L3MBTL2: variants seen among roughly 807,000 people sequenced by gnomAD.
L3MBTL2 encodes the protein lethal(3)malignant brain tumor-like protein 2.
Under a neutral mutation model 86.4 loss-of-function variants are expected in L3MBTL2, and 49 were observed. The observed-to-expected ratio is 0.57, with a 90% CI of 0.45 to 0.72. The LOEUF (loss-of-function observed/expected upper bound fraction) is 0.72. L3MBTL2 is among the 30% of genes least tolerant of loss of function. The probability of loss-of-function intolerance (pLI) is 0.00; values close to 1 mark genes in which losing one functional copy is unlikely to be tolerated. For missense variants in L3MBTL2, 755 were observed against 923.7 expected, an observed-to-expected ratio of 0.82 and a Z score of 2.37; for synonymous variants, 336 against 350.6, an observed-to-expected ratio of 0.96 and a Z score of 0.47.
intron 5 of L3MBTL2, 191 bp downstream of exon 5, chr22:41,217,393 CT>C: frequency 1.7e-6 from 1 of 579,680 alleles, no homozygotes. Flanking sequence ...CTTCTATCAC[CT>C]GCTTGGCTTC....
rs370208121 is a variant in L3MBTL2 at position 41,227,764 on chromosome 22, C to G, written c.1823-40C>G. The G allele has an allele frequency of 6.2e-7, 1 of 1,612,990 alleles. No individual in the cohort carries two copies. Among genetic ancestry groups the G allele is most frequent in the Non-Finnish European group, 8.5e-7 (1 of 1,179,494 alleles). Reference sequence around the variant, plus strand: ...CCTGTGCCCTGTGTCCTCCCAGGGACCCTCTTCTCATCTCTTTCACCCTTG... The same window carrying G: ...CCTGTGCCCTGTGTCCTCCCAGGGAGCCTCTTCTCATCTCTTTCACCCTTG... On this transcript the variant is annotated intron_variant, in intron 14 of 16. Coordinates refer to ENST00000216237, the MANE Select transcript of L3MBTL2 (RefSeq NM_031488.5). The surrounding 1 kb of genome is among the most constrained non-coding windows in gnomAD (Gnocchi z 6.0).
At chr22:41,216,378 T>C in intron 4 of L3MBTL2, 116 bp downstream of exon 4, 1 of 1,262,614 alleles carries the variant, frequency 7.9e-7, no homozygotes, top group Non-Finnish European at 1.1e-6. Context: ...GAAAGTGCCC[T>C]AAGTCAGGGT....
intron 3 of L3MBTL2, among the ~76,000 whole-genome samples, chr22:41,215,613 G>A (rs891844779): frequency 1.5e-5 from 2 of 137,740 alleles, no homozygotes; most frequent in Middle Eastern, 3.9e-3. Flanking sequence ...CCTAATGAAA[G>A]CTGTGGGTCC....
chr22:41,218,259 T>C (rs2031546482), intron 5 of L3MBTL2: 1 of 152,192 alleles, frequency 6.6e-6, no homozygotes, highest in Non-Finnish European at 1.5e-5. Context: ...ACCCCTATAA[T>C]CCCAGCACTT....
intron 1 of L3MBTL2, chr22:41,208,364 A>C: frequency 2.3e-6 from 1 of 437,116 alleles, no homozygotes; most frequent in Non-Finnish European, 4.6e-6. Context: ...TCCTGGGTTC[A>C]AGCAATCCAC....
intron 8 of L3MBTL2, among the ~76,000 whole-genome samples, chr22:41,223,484 GCC>G (rs999300884): frequency 2.0e-5 from 3 of 152,048 alleles, no homozygotes; most frequent in African/African-American, 7.2e-5. Context: ...CAGAGCTGCA[GCC>G]CATCAGGGTC....
At position 41,230,318 on chromosome 22, in the gene L3MBTL2, T is replaced by C. The variant is rs1309909792; in HGVS notation, c.*67T>C. 8.9e-7 allele frequency: 1 copy of C among 1,128,884 alleles called. No homozygotes were observed. The highest frequency in any genetic ancestry group is 1.3e-6 in the Non-Finnish European group (1 of 745,506). 69.9% of individuals were successfully genotyped at this position (1,128,884 alleles called of 1,614,324 possible). ...CAGCGTTTCTCTACCACCACCACCATGCCTCCACCTGACTTTGGCTTGGAG... is the reference window on the plus strand; with the variant it reads ...CAGCGTTTCTCTACCACCACCACCACGCCTCCACCTGACTTTGGCTTGGAG... On this transcript the variant is annotated 3_prime_UTR_variant, in exon 17 of 17. Transcript: ENST00000216237.
intron 4 of L3MBTL2, 188 bp from the exon 5 acceptor site, chr22:41,216,935 A>T: frequency 3.5e-6 from 2 of 569,540 alleles, no homozygotes; most frequent in Non-Finnish European, 6.3e-6. Context: ...AGTCCTCAAC[A>T]GTGGTCCCTC....
chr22:41,208,648 C>A (rs139433), intron 1 of L3MBTL2, among the ~76,000 whole-genome samples: 1 of 151,968 alleles, frequency 6.6e-6, no homozygotes, highest in Non-Finnish European at 1.5e-5. Flanking sequence ...CTGCCTCTCC[C>A]ATCCTCTTTG....
chr22:41,228,048 T>C, intron 15 of L3MBTL2, 179 bp downstream of exon 15: 1 of 985,404 alleles, frequency 1.0e-6, no homozygotes, highest in Non-Finnish European at 1.2e-6. Context: ...TACGGGCCTT[T>C]CACCCTGTCT....
At position 41,227,014 on chromosome 22, in the gene L3MBTL2, TGCCTCCGG is replaced by T. The variant is rs1314195347; in HGVS notation, c.1588-71_1588-64del. The stretch of plus-strand genomic sequence containing the variant: ...CGCCCCTCCCTGCCAGTTCTTCAAG[TGCCTCCGG>T]GCCGGGGCAAGCCTGCTGGGGTAGG... On this transcript the variant is annotated intron_variant, in intron 13 of 16. Transcript: ENST00000216237. The surrounding 1 kb of genome is among the most constrained non-coding windows in gnomAD (Gnocchi z 6.0). 66 of 1,325,350 alleles carry T rather than the reference TGCCTCCGG, an allele frequency of 5.0e-5. No homozygotes were observed. Among genetic ancestry groups the T allele is most frequent in the Non-Finnish European group, 6.9e-5 (66 of 957,340 alleles). 82.1% of individuals were successfully genotyped at this position (1,325,350 alleles called of 1,614,324 possible). A position where few individuals can be genotyped will look rare whatever the true frequency, so the allele number is the denominator to read the frequency against.
intron 4 of L3MBTL2, 97 bp downstream of exon 4, chr22:41,216,359 G>C: frequency 6.8e-7 from 1 of 1,471,498 alleles, no homozygotes; most frequent in South Asian, 1.3e-5. Flanking sequence ...TGGGCAAACC[G>C]GCCAGGTAGA....
chr22:41,223,346 T>A (rs5758267), intron 8 of L3MBTL2, among the ~76,000 whole-genome samples: 46,143 of 152,016 alleles, frequency 0.3, 7,273 homozygotes, highest in Admixed American at 0.42. Context: ...AGCACTGAAG[T>A]CACAGTGAAC....
intron 6 of L3MBTL2, among the ~76,000 whole-genome samples, chr22:41,219,808 C>G (rs550003356): frequency 5.3e-5 from 8 of 152,294 alleles, no homozygotes. Context: ...GTGGCACGAT[C>G]TCGGCTCACT....
chr22:41,225,210 CTT>C lies in L3MBTL2; in HGVS notation c.1356+142_1356+143del, dbSNP rs2032097065. ...CACTGGCTGCACCCAGAGTCCCTGA[CTT>C]TTGTGAGTGGGGCCTGGCCTGCCCC... On this transcript the variant is annotated intron_variant, in intron 11 of 16. Coordinates refer to ENST00000216237, the MANE Select transcript of L3MBTL2 (RefSeq NM_031488.5). This position sits in a 1 kb window ranked among gnomAD's most constrained non-coding sequence, Gnocchi z 4.1. The C allele has an allele frequency of 3.0e-6, 2 of 670,668 alleles. No individual in the cohort carries two copies. Among genetic ancestry groups the C allele is most frequent in the South Asian group, 4.0e-5 (2 of 50,550 alleles). 41.5% of individuals were successfully genotyped at this position (670,668 alleles called of 1,614,324 possible).
At chr22:41,217,072 G>A (rs1268054447) in intron 4 of L3MBTL2, 51 bp from the exon 5 acceptor site, 3 of 1,494,596 alleles carry the variant, frequency 2.0e-6, no homozygotes, top group Non-Finnish European at 2.8e-6. Flanking sequence ...CAGGCTCCTG[G>A]AGTGGCTGCT....
At chr22:41,221,609 C>T (rs567572723) in intron 8 of L3MBTL2, among the ~76,000 whole-genome samples, 1 of 152,266 alleles carries the variant, frequency 6.6e-6, no homozygotes, top group Admixed American at 6.5e-5. Flanking sequence ...TATTAACATA[C>T]TTTTTTGTTT....
At chr22:41,226,883 A>G in intron 13 of L3MBTL2, 139 bp downstream of exon 13, 1 of 763,052 alleles carries the variant, frequency 1.3e-6, no homozygotes, top group South Asian at 1.7e-5. Context: ...GGAAGTCCCC[A>G]GCTATGGCCT....
In L3MBTL2 at chr22:41,229,608, G is replaced by T. The variant is rs1017098166; in HGVS notation, c.1957G>T (p.Asp653Tyr). The part of the protein sequence containing the change: ...QGSKKPLLED[D>Y]PQGARKISSE... ...GTCCAAGAAGCCCCTGCTGGAGGAC[G>T]ACCCTCAGGGTGCCAGGAAGATCTC... is the stretch of plus-strand genomic sequence containing the variant. The change falls in exon 16 of 17, where the codon GAC becomes TAC. Residue 653 changes from aspartate (D) to tyrosine (Y), a missense_variant. This residue lies in a region of L3MBTL2 where 634 missense variants were observed against 748.9 expected (regional missense o/e 0.85). Transcript: ENST00000216237. The T allele has an allele frequency of 1.9e-6, 3 of 1,613,684 alleles. No individual in the cohort carries two copies. The highest frequency in any genetic ancestry group is 2.5e-6 in the Non-Finnish European group (3 of 1,179,862).
Sources: gnomAD v4.1 joint callset for allele counts (sites outside exome capture counted in the v4.1 genomes callset) on GRCh38, gnomAD v4.1.1 for gene constraint, gnomAD v4.1.1 regional missense constraint, Gnocchi (gnomAD v3.1) non-coding constraint, MANE v1.5 for transcripts, NCBI Gene and HGNC (gene_info 2026-07-23, HGNC 2026-07-21) for gene names.